The following TSPAN9 variants were observed in gnomAD, a reference collection of about 807,000 sequenced individuals.
The protein encoded by TSPAN9 is tetraspanin-9.
Under a neutral mutation model 31.0 loss-of-function variants are expected in TSPAN9, and 16 were observed. The ratio of observed to expected loss-of-function variants is 0.52; its 90% CI spans 0.35 to 0.78. TSPAN9 has a LOEUF of 0.78. Among genes scored for constraint, TSPAN9 ranks in the 30% least tolerant of loss-of-function variants. TSPAN9 has a pLI of 0.01. For missense variants in TSPAN9, 272 were observed against 312.5 expected (o/e 0.87, Z 0.98); for synonymous variants, 145 against 121.6 (o/e 1.19, Z -1.27).
At chr12:3,114,614 G>GGGTGGATCACCTGAGGCC (rs2098321180) in intron 2 of TSPAN9, among the ~76,000 whole-genome samples, 1 of 152,040 alleles carries the variant, frequency 6.6e-6, no homozygotes. Flanking sequence ...AGGCTGAGGC[G>GGGTGGATCACCTGAGGCC]GGTGGATCAC....
chr12:3,271,081 A>T (rs1033298919), intron 3 of TSPAN9, among the ~76,000 whole-genome samples: 1 of 152,246 alleles, frequency 6.6e-6, no homozygotes, highest in Non-Finnish European at 1.5e-5. Context: ...AGATATGCAA[A>T]TGCTTTATGT....
At chr12:3,078,210 T>A (rs551751292) in intron 1 of TSPAN9, among the ~76,000 whole-genome samples, 23 of 152,222 alleles carry the variant, frequency 1.5e-4, no homozygotes, top group African/African-American at 5.3e-4. Flanking sequence ...GCTACCTTTT[T>A]CTCGCATCAC....
At position 3,285,794 on chromosome 12, in the gene TSPAN9, A is replaced by G. The variant is rs1182512364; in HGVS notation, c.*2678A>G. On this transcript the variant is annotated 3_prime_UTR_variant, in exon 9 of 9. Transcript: ENST00000011898. ...TCTCAGAAAGTCCCTCAGGGTTTGTAGAGGACTGCAGGGGGGCATCCGCTG... is the reference window on the plus strand; with the variant it reads ...TCTCAGAAAGTCCCTCAGGGTTTGTGGAGGACTGCAGGGGGGCATCCGCTG... 1 of 152,126 alleles carries G rather than the reference A, an allele frequency of 6.6e-6. No homozygotes were observed. The highest frequency in any genetic ancestry group is 1.5e-5 in the Non-Finnish European group (1 of 68,042). 9.4% of individuals were successfully genotyped at this position (152,126 alleles called of 1,614,324 possible). A position where few individuals can be genotyped will look rare whatever the true frequency, so the allele number is the denominator to read the frequency against.
rs1862995444 is a variant in TSPAN9, at chr12:3,285,378, TTC to T, written c.*2264_*2265del. ...GATGTGCAACCTCCCTGAAAATCTT[TTC>T]TGTTTCTGGAGTACTTCAGGGGTGG... On this transcript the variant is annotated 3_prime_UTR_variant, in exon 9 of 9. Transcript: ENST00000011898. 6.6e-6 allele frequency: 1 copy of T among 152,220 alleles called. No individual in the cohort carries two copies. Among genetic ancestry groups the T allele is most frequent in the Admixed American group, 6.5e-5 (1 of 15,278 alleles). The allele number at this position is 152,220 out of a possible 1,614,324, so 9.4% of individuals were successfully genotyped here.
In TSPAN9 at chr12:3,139,089, G is replaced by A. The variant is rs558645723; in HGVS notation, c.-18+55370G>A. Among the ~76,000 whole-genome samples, 9 of 152,202 alleles carry A rather than the reference G, an allele frequency of 5.9e-5. No individual in the cohort carries two copies. In the East Asian group the frequency reaches 1.7e-3, roughly 29 times the overall value. ...CCCAGAACCCACATCTGGCCCAAGT[G>A]CTCAGTTTTCTGGGCTGTAAATTGC... On this transcript the variant is annotated intron_variant, in intron 2 of 8. Transcript: ENST00000011898.
At chr12:3,241,694 C>T (rs948414646) in intron 3 of TSPAN9, among the ~76,000 whole-genome samples, 6 of 152,184 alleles carry the variant, frequency 3.9e-5, no homozygotes, top group Non-Finnish European at 8.8e-5. Flanking sequence ...GGTGTGGGCT[C>T]TGAGCCGTGA....
chr12:3,218,502 C>G (rs1334523061), intron 3 of TSPAN9, among the ~76,000 whole-genome samples: 4 of 152,238 alleles, frequency 2.6e-5, no homozygotes, highest in Non-Finnish European at 5.9e-5. Flanking sequence ...GACTTCTCAC[C>G]TGGCCTTCTC....
chr12:3,255,995 C>G (rs1402559601), intron 3 of TSPAN9, among the ~76,000 whole-genome samples: 1 of 152,164 alleles, frequency 6.6e-6, no homozygotes, highest in African/African-American at 2.4e-5. Context: ...GTCTTTCAGG[C>G]AGGGCTGTTA....
chr12:3,279,045 C>A lies in TSPAN9; in HGVS notation c.309C>A (p.Leu103=), dbSNP rs150213773. 25 of 1,614,058 alleles carry A rather than the reference C, an allele frequency of 1.5e-5. No individual in the cohort carries two copies. In the African/African-American group the frequency reaches 2.3e-4, roughly 15 times the overall value. ...TAGCAGAGCTGATCTTACTCATCCT[C>A]TTCTTTGTCTACATGGACAAGGTAA... ...ILLAELILLI[L]FFVYMDKVNE... is the part of the protein sequence containing the mutation. The change falls in exon 5 of 9, where the codon CTC becomes CTA. Residue 103 remains leucine, a synonymous_variant. Coordinates refer to ENST00000011898, the MANE Select transcript of TSPAN9 (RefSeq NM_006675.5).
intron 3 of TSPAN9, among the ~76,000 whole-genome samples, chr12:3,256,189 G>A (rs899830039): frequency 1.6e-4 from 24 of 152,214 alleles, no homozygotes; most frequent in African/African-American, 5.5e-4. Context: ...AGCTGTGGGG[G>A]CGGGGTCCCG....
chr12:3,139,900 T>C (rs967474078), intron 2 of TSPAN9, among the ~76,000 whole-genome samples: 1 of 152,224 alleles, frequency 6.6e-6, no homozygotes, highest in African/African-American at 2.4e-5. Context: ...CCCCTGCAGC[T>C]GACCGTCAGG....
chr12:3,215,663 C>T (rs1482464968), intron 3 of TSPAN9, among the ~76,000 whole-genome samples: 2 of 152,232 alleles, frequency 1.3e-5, no homozygotes, highest in African/African-American at 4.8e-5. Context: ...CTGAGGCACC[C>T]CAGCGTCTGA....
intron 2 of TSPAN9, among the ~76,000 whole-genome samples, chr12:3,166,877 A>G (rs935249445): frequency 4.0e-5 from 6 of 151,898 alleles, no homozygotes; most frequent in African/African-American, 9.7e-5. Flanking sequence ...GCTCACTGCA[A>G]CCTCCACCTC....
chr12:3,254,000 G>C (rs939244990), intron 3 of TSPAN9, among the ~76,000 whole-genome samples: 1 of 152,184 alleles, frequency 6.6e-6, no homozygotes, highest in Non-Finnish European at 1.5e-5. Context: ...GGAGGGATAA[G>C]GATGATAGCG....
At chr12:3,113,775 C>A (rs745533433) in intron 2 of TSPAN9, among the ~76,000 whole-genome samples, 1 of 152,182 alleles carries the variant, frequency 6.6e-6, no homozygotes, top group Non-Finnish European at 1.5e-5. Context: ...CCTCAGTGTC[C>A]TTTTACTCTT....
At chr12:3,130,172 G>T (rs2098329181) in intron 2 of TSPAN9, among the ~76,000 whole-genome samples, 2 of 152,172 alleles carry the variant, frequency 1.3e-5, no homozygotes, top group African/African-American at 4.8e-5. Flanking sequence ...TGCCCCACCA[G>T]CCTGGGAAAC....
intron 2 of TSPAN9, among the ~76,000 whole-genome samples, chr12:3,161,389 T>C (rs73243082): frequency 0.028 from 4,338 of 152,310 alleles, 215 homozygotes; most frequent in African/African-American, 0.099. Flanking sequence ...ACATTTAGGT[T>C]CATGATTCAT....
At chr12:3,270,206 A>T (rs544122782) in intron 3 of TSPAN9, among the ~76,000 whole-genome samples, 3 of 152,272 alleles carry the variant, frequency 2.0e-5, no homozygotes, top group African/African-American at 7.2e-5. Flanking sequence ...AAGTAGAAAG[A>T]TGCTGGCACC....
intron 3 of TSPAN9, among the ~76,000 whole-genome samples, chr12:3,244,282 C>T (rs61408084): frequency 0.021 from 3,134 of 152,266 alleles, 132 homozygotes; most frequent in African/African-American, 0.071. Context: ...TCTTGGCTGG[C>T]CTTATCCTCC....
Sources: allele counts gnomAD v4.1 joint callset (sites outside exome capture counted in the v4.1 genomes callset), GRCh38; gene constraint gnomAD v4.1.1; transcripts MANE v1.5; gene names NCBI Gene and HGNC (gene_info 2026-07-23, HGNC 2026-07-21).